The following FRS2 variants were observed in gnomAD, a reference collection of about 807,000 sequenced individuals.
FRS2 encodes the protein FGFR signalling adaptor.
In FRS2, 8 loss-of-function variants were observed where a neutral mutation model predicts 43.9. The observed-to-expected ratio is 0.18, with a 90% CI of 0.11 to 0.33. The LOEUF (loss-of-function observed/expected upper bound fraction) is 0.33, where lower values mean the gene tolerates loss of function less well. FRS2 is among the 10% of genes least tolerant of loss of function. The probability of loss-of-function intolerance (pLI) is 1.00; values close to 1 mark genes in which losing one functional copy is unlikely to be tolerated. For synonymous variants in FRS2, 219 were observed against 220.3 expected, an observed-to-expected ratio of 0.99 and a Z score of 0.05; for missense variants, 534 against 627.6, an observed-to-expected ratio of 0.85 and a Z score of 1.59.
At chr12:69,539,992 G>A (rs145078100) in intron 3 of FRS2, among the ~76,000 whole-genome samples, 2,302 of 146,990 alleles carry the variant, frequency 0.016, 63 homozygotes, top group African/African-American at 0.053. Context: ...GGTGGCTCAC[G>A]CCTGTAATCC....
chr12:69,481,448 T>C (rs1228193189), intron 1 of FRS2, among the ~76,000 whole-genome samples: 1 of 152,024 alleles, frequency 6.6e-6, no homozygotes, highest in Admixed American at 6.6e-5. Flanking sequence ...CTGATTTTTT[T>C]TTTTAAGATT....
At chr12:69,528,845 A>G in intron 1 of FRS2, among the ~76,000 whole-genome samples, 1 of 152,232 alleles carries the variant, frequency 6.6e-6, no homozygotes. Context: ...GGAAGAGGAG[A>G]AATAAGCCAG....
chr12:69,569,610 G>A (rs1183504958), intron 5 of FRS2, among the ~76,000 whole-genome samples: 1 of 152,188 alleles, frequency 6.6e-6, no homozygotes, highest in Non-Finnish European at 1.5e-5. Flanking sequence ...GAATAGCCTT[G>A]ATCACACAAA....
chr12:69,573,023 G>A (rs1312468266), intron 8 of FRS2, among the ~76,000 whole-genome samples: 10 of 152,166 alleles, frequency 6.6e-5, no homozygotes, highest in East Asian at 3.9e-4. Context: ...AGTAGAGACC[G>A]GGTTTCACCA....
At chr12:69,525,642 T>G (rs1219340382) in intron 1 of FRS2, among the ~76,000 whole-genome samples, 2 of 152,176 alleles carry the variant, frequency 1.3e-5, no homozygotes, top group Admixed American at 6.5e-5. Context: ...GCGTGTCCTC[T>G]CTTTCCTCTC....
At chr12:69,567,247 A>G (rs1880381842) in intron 4 of FRS2, among the ~76,000 whole-genome samples, 1 of 152,122 alleles carries the variant, frequency 6.6e-6, no homozygotes, top group Non-Finnish European at 1.5e-5. Context: ...TCCTTGTACT[A>G]TGATACTTAG....
chr12:69,552,847 G>A (rs1364357040), intron 3 of FRS2, among the ~76,000 whole-genome samples: 1 of 151,180 alleles, frequency 6.6e-6, no homozygotes, highest in Non-Finnish European at 1.5e-5. Context: ...AGCCAAGATC[G>A]CACTGTTGCG....
intron 3 of FRS2, among the ~76,000 whole-genome samples, chr12:69,546,016 T>G (rs1878373777): frequency 6.6e-6 from 1 of 152,156 alleles, no homozygotes; most frequent in Admixed American, 6.5e-5. Context: ...GAATGCTTCA[T>G]GACATTGGAT....
chr12:69,556,008 C>CA (rs1879306692), intron 3 of FRS2, among the ~76,000 whole-genome samples: 1 of 123,442 alleles, frequency 8.1e-6, no homozygotes, highest in Non-Finnish European at 1.8e-5. Context: ...GTGTGTGTGG[C>CA]GGGGGGGGGG....
At chr12:69,506,906 G>C (rs1349643678) in intron 1 of FRS2, among the ~76,000 whole-genome samples, 2 of 152,114 alleles carry the variant, frequency 1.3e-5, no homozygotes, top group Non-Finnish European at 2.9e-5. Flanking sequence ...ATGGATTAAT[G>C]GATTAATGGG....
chr12:69,525,053 G>A (rs190022770), intron 1 of FRS2, among the ~76,000 whole-genome samples: 2 of 152,146 alleles, frequency 1.3e-5, no homozygotes, highest in Admixed American at 6.5e-5. Flanking sequence ...AGGAGTGCAC[G>A]AGTCTTCCTG....
intron 1 of FRS2, among the ~76,000 whole-genome samples, chr12:69,483,582 T>C (rs926369286): frequency 1.3e-5 from 2 of 152,086 alleles, no homozygotes; most frequent in East Asian, 3.9e-4. Context: ...CTATCACTTA[T>C]AGTATATACT....
At chr12:69,570,599 T>A in intron 6 of FRS2, 82 bp downstream of exon 6, 1 of 823,052 alleles carries the variant, frequency 1.2e-6, no homozygotes, top group Non-Finnish European at 1.9e-6. Flanking sequence ...TAAATTAATA[T>A]TTTTCTTCTG....
chr12:69,562,730 T>C (rs574231), intron 4 of FRS2, among the ~76,000 whole-genome samples: 93,974 of 151,956 alleles, frequency 0.62, 30,886 homozygotes, highest in African/African-American at 0.85. Context: ...TGCTTTGTCG[T>C]CCAGGCTTGG....
chr12:69,521,686 CTCA>C (rs1875660632), intron 1 of FRS2, among the ~76,000 whole-genome samples: 2 of 152,084 alleles, frequency 1.3e-5, no homozygotes, highest in African/African-American at 4.8e-5. Context: ...TGCGATTTGG[CTCA>C]CTGCAAGCTC....
intron 1 of FRS2, among the ~76,000 whole-genome samples, chr12:69,507,359 G>T (rs1874037428): frequency 6.6e-6 from 1 of 151,830 alleles, no homozygotes; most frequent in South Asian, 2.1e-4. Context: ...CTGTTATATG[G>T]GTGTGCAATG....
intron 1 of FRS2, among the ~76,000 whole-genome samples, chr12:69,480,710 CT>C (rs374974239): frequency 6.6e-6 from 1 of 152,076 alleles, no homozygotes; most frequent in African/African-American, 2.4e-5. Context: ...GACTATCATC[CT>C]TTTTTTGGGT....
At chr12:69,540,889 T>C (rs1877841225) in intron 3 of FRS2, among the ~76,000 whole-genome samples, 2 of 152,228 alleles carry the variant, frequency 1.3e-5, no homozygotes, top group Non-Finnish European at 1.5e-5. Context: ...CCAAATCCCA[T>C]ACTCCCAGTC....
intron 1 of FRS2, among the ~76,000 whole-genome samples, chr12:69,498,285 G>A (rs1290321551): frequency 6.6e-6 from 1 of 152,118 alleles, no homozygotes; most frequent in Non-Finnish European, 1.5e-5. Context: ...AATGTATCAA[G>A]GGATAAAAGT....
Sources: gnomAD v4.1 joint callset for allele counts (sites outside exome capture counted in the v4.1 genomes callset) on GRCh38, gnomAD v4.1.1 for gene constraint, MANE v1.5 for transcripts, NCBI Gene and HGNC (gene_info 2026-07-23, HGNC 2026-07-21) for gene names.